The following CLPTM1L variants were observed in gnomAD, a reference collection of about 807,000 sequenced individuals.
CLPTM1L encodes CLPTM1 like.
Under a neutral mutation model 70.9 loss-of-function variants are expected in CLPTM1L, and 38 were observed. That is an observed-to-expected ratio of 0.54 (90% CI 0.41 to 0.70). CLPTM1L has a LOEUF of 0.70. Among genes scored for constraint, CLPTM1L ranks in the 30% least tolerant of loss-of-function variants. The pLI is 0.00. For missense variants in CLPTM1L, 652 were observed against 705.9 expected, an observed-to-expected ratio of 0.92 and a Z score of 0.87; for synonymous variants, 339 against 299.9, an observed-to-expected ratio of 1.13 and a Z score of -1.35.
chr5:1,335,021 G>A (rs755924442), intron 6 of CLPTM1L, 36 bp downstream of exon 6: 30 of 1,545,980 alleles, frequency 1.9e-5, no homozygotes, highest in Admixed American at 1.9e-4. Context: ...GCTCCAGGGC[G>A]GCCTCACCCA....
intron 5 of CLPTM1L, among the ~76,000 whole-genome samples, chr5:1,335,922 T>G (rs920461921): frequency 6.8e-6 from 1 of 148,098 alleles, no homozygotes; most frequent in Non-Finnish European, 1.5e-5. Flanking sequence ...TGTGCTCTAA[T>G]CCACCTGCCC....
intron 3 of CLPTM1L, among the ~76,000 whole-genome samples, chr5:1,339,714 C>T (rs1375262788): frequency 9.4e-5 from 7 of 74,708 alleles, no homozygotes; most frequent in Middle Eastern, 7.8e-3. Context: ...GCAGAGTCAG[C>T]GCCCTAACCT....
chr5:1,338,675 C>A (rs1035346121), intron 4 of CLPTM1L, among the ~76,000 whole-genome samples, 185 bp downstream of exon 4: 5 of 152,248 alleles, frequency 3.3e-5, no homozygotes, highest in African/African-American at 9.6e-5. Flanking sequence ...CCTTTCTCCC[C>A]CCTTCCAGCC....
In CLPTM1L at chr5:1,335,097, C is replaced by T; in HGVS notation, c.756G>A (p.Trp252Ter). 6.2e-7 allele frequency: 1 copy of T among 1,613,620 alleles called. No individual in the cohort carries two copies. Among genetic ancestry groups the T allele is most frequent in the Non-Finnish European group, 8.5e-7 (1 of 1,180,022 alleles). Residue 252 changes from tryptophan (W) to a stop codon, truncating the protein, a stop_gained, in exon 6 of 17, where the codon TGG (tryptophan) becomes TGA (stop). Coordinates refer to ENST00000320895, the MANE Select transcript of CLPTM1L (RefSeq NM_030782.5). LOFTEE classifies it high-confidence loss of function. ...DKVSLGRLRF[W>*]IHMQDAVYSL... ...AGTACACGGCGTCCTGCATGTGGAT[C>T]CAGAAGCGCAGCCGCCCCAGTGAGA...
In CLPTM1L at chr5:1,324,968, G is replaced by C. The variant is rs1456126141; in HGVS notation, c.1147-155C>G. 9.1e-6 allele frequency: 6 copies of C among 659,704 alleles called. No homozygotes were observed. The East Asian group carries it at 1.1e-4, about 12-fold the overall frequency. The allele number at this position is 659,704 out of a possible 1,614,324, so 40.9% of individuals were successfully genotyped here. Reference sequence around the variant, plus strand: ...CCCTACCAGGCGAGGAGAGGACCCAGAGGACGGGGATCCGCATGGATCCTT... The same window carrying C: ...CCCTACCAGGCGAGGAGAGGACCCACAGGACGGGGATCCGCATGGATCCTT... On this transcript the variant is annotated intron_variant, in intron 10 of 16. Transcript: ENST00000320895.
Position 1,344,470 on chromosome 5 carries a change from C to T in CLPTM1L, c.163-19G>A. The T allele has an allele frequency of 2.1e-5, 33 of 1,603,734 alleles. No individual in the cohort carries two copies. Among genetic ancestry groups the T allele is most frequent in the Non-Finnish European group, 2.7e-5 (32 of 1,171,254 alleles). ...CGCTCAGCTGGAAAGGAGGGGGCGT[C>T]GAGAGTCAGCTCGGCCAGGCCCTGG... On this transcript the variant is annotated intron_variant, in intron 1 of 16. Coordinates refer to ENST00000320895, the MANE Select transcript of CLPTM1L (RefSeq NM_030782.5).
At chr5:1,338,021 G>T in intron 4 of CLPTM1L, 39 bp from the exon 5 acceptor site, 1 of 1,522,036 alleles carries the variant, frequency 6.6e-7, no homozygotes, top group East Asian at 2.3e-5. Context: ...CAGCACCAAG[G>T]CTTTTACCTT....
rs375455299 is a variant in CLPTM1L at position 1,335,219 on chromosome 5, C to T, written c.679-45G>A. The T allele has an allele frequency of 1.6e-4, 240 of 1,509,930 alleles. No individual in the cohort carries two copies. In the Middle Eastern group the frequency reaches 2.8e-3, roughly 17 times the overall value. The allele number at this position is 1,509,930 out of a possible 1,614,324, so 93.5% of individuals were successfully genotyped here. On this transcript the variant is annotated intron_variant, in intron 5 of 16. Transcript: ENST00000320895. ...TGAGGGCCCTGCCCTCATACCCTTGCACCCAGCTGCCTGGCAGCCCTCGCC... is the reference window on the plus strand; with the variant it reads ...TGAGGGCCCTGCCCTCATACCCTTGTACCCAGCTGCCTGGCAGCCCTCGCC...
chr5:1,335,696 G>A (rs1038854608), intron 5 of CLPTM1L, among the ~76,000 whole-genome samples: 3 of 152,242 alleles, frequency 2.0e-5, no homozygotes, highest in African/African-American at 7.2e-5. Flanking sequence ...AAAGCTAGCA[G>A]GGGCAGTAGG....
Position 1,335,183 on chromosome 5 carries a change from G to A in CLPTM1L, c.679-9C>T. 6.2e-7 allele frequency: 1 copy of A among 1,609,514 alleles called. No individual in the cohort carries two copies. The highest frequency in any genetic ancestry group is 8.5e-7 in the Non-Finnish European group (1 of 1,176,472). On this transcript the variant is annotated splice_polypyrimidine_tract_variant and intron_variant, in intron 5 of 16. Coordinates refer to ENST00000320895, the MANE Select transcript of CLPTM1L (RefSeq NM_030782.5). ...GTGGAGCGGTTTATGACCTGATGAA[G>A]AAAGCCACACTGAGGGCCCTGCCCT...
In CLPTM1L at chr5:1,334,392, G is replaced by A; in HGVS notation, c.797-9C>T. ...ATCTTTCTCTGAAAACCCTGTCAAGGAAAAAAAAACATACAATATAAAACA... is the reference window on the plus strand; with the variant it reads ...ATCTTTCTCTGAAAACCCTGTCAAGAAAAAAAAAACATACAATATAAAACA... On this transcript the variant is annotated splice_polypyrimidine_tract_variant and intron_variant, in intron 6 of 16. Transcript: ENST00000320895. 3 of 1,476,290 alleles carry A rather than the reference G, an allele frequency of 2.0e-6. No homozygotes were observed. The highest frequency in any genetic ancestry group is 1.4e-5 in the African/African-American group (1 of 71,670). The allele number at this position is 1,476,290 out of a possible 1,614,324, so 91.4% of individuals were successfully genotyped here.
chr5:1,334,907 A>G, intron 6 of CLPTM1L, 150 bp downstream of exon 6: 1 of 603,374 alleles, frequency 1.7e-6, no homozygotes, highest in Admixed American at 2.9e-5. Flanking sequence ...GAGAGAAGTG[A>G]GGCAGGCGCT....
Position 1,338,941 on chromosome 5 carries a change from C to T in CLPTM1L, c.518G>A (p.Arg173Gln), listed in dbSNP as rs973777399. ...GTCCGCCATCACGTTCAGCGCCAGC[C>T]GCGGTCGCCAGTGGGACACTGGCTC... ...LDEPVSHWRP[R>Q]LALNVMADNF... Residue 173 changes from arginine to glutamine, a missense_variant, in exon 4 of 17, where the codon CGG (arginine) becomes CAG (glutamine). This residue lies in a region of CLPTM1L where 402 missense variants were observed against 388.2 expected (regional missense o/e 1.04). Coordinates refer to ENST00000320895, the MANE Select transcript of CLPTM1L (RefSeq NM_030782.5). 7.4e-6 allele frequency: 12 copies of T among 1,613,396 alleles called. No homozygotes were observed. Among genetic ancestry groups the T allele is most frequent in the Admixed American group, 1.7e-5 (1 of 60,020 alleles).
chr5:1,318,186 G>T lies in CLPTM1L; in HGVS notation c.*183C>A. 1.7e-6 allele frequency: 1 copy of T among 602,518 alleles called. No individual in the cohort carries two copies. The highest frequency in any genetic ancestry group is 2.0e-5 in the South Asian group (1 of 50,044). 37.3% of individuals were successfully genotyped at this position (602,518 alleles called of 1,614,324 possible). A position where few individuals can be genotyped will look rare whatever the true frequency, so the allele number is the denominator to read the frequency against. ...TGACCAAGACAGATGTTCACACGTG[G>T]GGGCATCGTAAGCGCTACCAGCTCC... On this transcript the variant is annotated 3_prime_UTR_variant, in exon 17 of 17. Transcript: ENST00000320895. The surrounding 1 kb of genome is among the most constrained non-coding windows in gnomAD (Gnocchi z 8.9).
intron 6 of CLPTM1L, among the ~76,000 whole-genome samples, chr5:1,334,754 A>AAAACAAACAAACAAAC (rs3030834): frequency 7.9e-5 from 12 of 151,106 alleles, no homozygotes; most frequent in African/African-American, 2.4e-4. Flanking sequence ...ACTCTGTCTC[A>AAAACAAACAAACAAAC]AAACAAACAA....
intron 9 of CLPTM1L, among the ~76,000 whole-genome samples, chr5:1,329,539 C>A (rs1752933561): frequency 1.5e-5 from 2 of 134,858 alleles, no homozygotes; most frequent in Admixed American, 7.3e-5. Context: ...CCTCAGGACT[C>A]TCTGCTTGGT....
At chr5:1,328,786 T>TACAG (rs1323823500) in intron 9 of CLPTM1L, among the ~76,000 whole-genome samples, 2 of 150,640 alleles carry the variant, frequency 1.3e-5, no homozygotes, top group African/African-American at 4.9e-5. Flanking sequence ...GATCCTCCTC[T>TACAG]ACAGACACAT....
intron 1 of CLPTM1L, 73 bp downstream of exon 1, chr5:1,344,607 A>G: frequency 6.7e-7 from 1 of 1,503,348 alleles, no homozygotes; most frequent in Non-Finnish European, 9.0e-7. Context: ...CTGGGACGGG[A>G]AGGCGACGTC....
chr5:1,321,813 T>A lies in CLPTM1L; in HGVS notation c.1322A>T (p.Tyr441Phe), dbSNP rs145091872. 47 of 1,613,622 alleles carry A rather than the reference T, an allele frequency of 2.9e-5. No homozygotes were observed. Among genetic ancestry groups the A allele is most frequent in the Non-Finnish European group, 3.6e-5 (42 of 1,179,858 alleles). ...CAGCATGAAGAGGAAACCAAAGGCA[T>A]AGACCCCTGCAGAAAGACAGACAGC... ...WLINSFVNGV[Y>F]AFGFLFMLPQ... Residue 441 changes from tyrosine to phenylalanine, a missense_variant, in exon 14 of 17, where the codon TAT becomes TTT. Physicochemically the swap from Tyr to Phe is conservative, Grantham distance 22. Around this residue, in one of 3 missense-constraint regions of CLPTM1L, gnomAD observed 240 missense variants for 295.0 expected, o/e 0.81. Transcript: ENST00000320895.
Sources: allele counts gnomAD v4.1 joint callset (sites outside exome capture counted in the v4.1 genomes callset), GRCh38; gene constraint gnomAD v4.1.1; regional missense constraint gnomAD v4.1.1; non-coding constraint Gnocchi (gnomAD v3.1); transcripts MANE v1.5; gene names NCBI Gene and HGNC (gene_info 2026-07-23, HGNC 2026-07-21).